IMPG1: variants seen among roughly 807,000 people sequenced by gnomAD.
IMPG1 encodes the protein interphotoreceptor matrix proteoglycan of 150 kDa.
IMPG1 carries 85 observed loss-of-function variants against 92.0 expected under a neutral mutation model. The observed-to-expected ratio is 0.92, with a 90% CI of 0.78 to 1.11. IMPG1 has a LOEUF of 1.11. IMPG1 is among the 50% of genes least tolerant of loss of function. The pLI is 0.00. For missense variants in IMPG1, 1,022 were observed against 956.0 expected, an observed-to-expected ratio of 1.07 and a Z score of -0.91; for synonymous variants, 367 against 334.1, an observed-to-expected ratio of 1.10 and a Z score of -1.08.
At chr6:75,973,118 C>T (rs1029190858) in intron 12 of IMPG1, among the ~76,000 whole-genome samples, 5 of 152,086 alleles carry the variant, frequency 3.3e-5, no homozygotes, top group South Asian at 2.1e-4. Context: ...GCTGGAATTA[C>T]GGGGACATAC....
chr6:76,072,516 A>T lies in IMPG1; in HGVS notation c.-28T>A. Reference sequence around the variant, plus strand: ...TGGCTTTTGTGCATTGGTAATTCTGATAACAATCACAGAACAACCTCAAAT... The same window carrying T: ...TGGCTTTTGTGCATTGGTAATTCTGTTAACAATCACAGAACAACCTCAAAT... On this transcript the variant is annotated 5_prime_UTR_variant, in exon 1 of 17. Transcript: ENST00000369950. The T allele has an allele frequency of 7.2e-7, 1 of 1,389,922 alleles. No homozygotes were observed. Among genetic ancestry groups the T allele is most frequent in the Non-Finnish European group, 1.0e-6 (1 of 991,404 alleles). 86.1% of individuals were successfully genotyped at this position (1,389,922 alleles called of 1,614,324 possible).
intron 12 of IMPG1, among the ~76,000 whole-genome samples, chr6:75,959,721 G>A (rs1405093837): frequency 6.6e-6 from 1 of 152,176 alleles, no homozygotes; most frequent in Non-Finnish European, 1.5e-5. Context: ...CCCTCACCAA[G>A]CTCAAGCATC....
chr6:76,066,179 A>C (rs1270627172), intron 1 of IMPG1, among the ~76,000 whole-genome samples: 1 of 152,146 alleles, frequency 6.6e-6, no homozygotes, highest in African/African-American at 2.4e-5. Context: ...CAAAGCAATT[A>C]GGTAACAGTT....
At position 76,022,441 on chromosome 6, in the gene IMPG1, G is replaced by T. The variant is rs569728440; in HGVS notation, c.563-222C>A. On this transcript the variant is annotated intron_variant, in intron 5 of 16. Coordinates refer to ENST00000369950, the MANE Select transcript of IMPG1 (RefSeq NM_001563.4). ...TCTTTCTCTTAAGGACCCAAATTTG[G>T]TGCTTCCCTGTATGTGTTATACTTA... Among the ~76,000 whole-genome samples the T allele has an allele frequency of 1.1e-4, 17 of 152,026 alleles. 1 individual carries two copies. In the South Asian group the frequency reaches 3.5e-3, roughly 32 times the overall value.
At chr6:76,003,448 AC>A (rs1276835346) in intron 11 of IMPG1, among the ~76,000 whole-genome samples, 1 of 152,154 alleles carries the variant, frequency 6.6e-6, no homozygotes, top group Non-Finnish European at 1.5e-5. Context: ...TATTTATCAA[AC>A]CCCCATAAAT....
chr6:75,988,422 C>G (rs1439178051), intron 12 of IMPG1, among the ~76,000 whole-genome samples: 3 of 152,112 alleles, frequency 2.0e-5, no homozygotes, highest in Admixed American at 6.5e-5. Flanking sequence ...AATGTCTTCT[C>G]CTGAGAAGTG....
chr6:75,956,606 C>G (rs1219751748), intron 12 of IMPG1, among the ~76,000 whole-genome samples: 1 of 151,998 alleles, frequency 6.6e-6, no homozygotes, highest in Non-Finnish European at 1.5e-5. Context: ...CTTCTGCTCT[C>G]ATTTTAGTTA....
intron 11 of IMPG1, 61 bp downstream of exon 11, chr6:76,003,813 C>T (rs1783042200): frequency 1.6e-6 from 2 of 1,224,254 alleles, no homozygotes; most frequent in African/African-American, 3.0e-5. Context: ...CTGATTTGTT[C>T]TTTGGTGGAA....
At chr6:75,996,981 CA>C (rs1436051375) in intron 12 of IMPG1, among the ~76,000 whole-genome samples, 37 of 152,140 alleles carry the variant, frequency 2.4e-4, no homozygotes, top group Non-Finnish European at 1.0e-4. Context: ...TGGGAATTGC[CA>C]AAATTTGAGG....
chr6:76,039,897 C>T (rs1164365903), intron 2 of IMPG1, among the ~76,000 whole-genome samples: 1 of 152,162 alleles, frequency 6.6e-6, no homozygotes, highest in Admixed American at 6.5e-5. Context: ...TGCTTTTAAG[C>T]CCTGGGAAAT....
intron 15 of IMPG1, among the ~76,000 whole-genome samples, chr6:75,929,881 C>A (rs1324207584): frequency 6.6e-6 from 1 of 152,060 alleles, no homozygotes; most frequent in Non-Finnish European, 1.5e-5. Flanking sequence ...TTGTCACACA[C>A]AGGACCATTT....
intron 12 of IMPG1, among the ~76,000 whole-genome samples, chr6:76,001,741 C>T (rs999804819): frequency 1.3e-5 from 2 of 152,178 alleles, no homozygotes; most frequent in African/African-American, 4.8e-5. Context: ...GAAAAGCTGT[C>T]CCTGCTGATC....
rs543297205 is a variant in IMPG1, at chr6:76,007,594, GA to G, written c.867-95del. The G allele has an allele frequency of 2.9e-4, 236 of 811,440 alleles. 4 individuals are homozygous for G. The highest frequency in any genetic ancestry group is 1.7e-3 in the South Asian group (91 of 52,738). 50.3% of individuals were successfully genotyped at this position (811,440 alleles called of 1,614,324 possible). A position where few individuals can be genotyped will look rare whatever the true frequency, so the allele number is the denominator to read the frequency against. ...TCAATGAATTATTTTATATACAAAA[GA>G]AAAAAATATTTCTTTCCATTGTCTC... On this transcript the variant is annotated intron_variant, in intron 8 of 16. Coordinates refer to ENST00000369950, the MANE Select transcript of IMPG1 (RefSeq NM_001563.4).
At chr6:76,068,503 G>A (rs1784349043) in intron 1 of IMPG1, among the ~76,000 whole-genome samples, 1 of 141,674 alleles carries the variant, frequency 7.1e-6, no homozygotes, top group Non-Finnish European at 1.5e-5. Context: ...TTTTTAAAAT[G>A]TCCATACTTT....
chr6:75,969,330 G>A (rs1341174878), intron 12 of IMPG1, among the ~76,000 whole-genome samples: 1 of 152,142 alleles, frequency 6.6e-6, no homozygotes, highest in Non-Finnish European at 1.5e-5. Flanking sequence ...AAAATGGCAA[G>A]TATGTGAGAT....
intron 12 of IMPG1, among the ~76,000 whole-genome samples, chr6:75,965,768 C>T (rs1322729752): frequency 6.6e-6 from 1 of 152,142 alleles, no homozygotes; most frequent in African/African-American, 2.4e-5. Context: ...CCATCACGCC[C>T]AGCTAATTTT....
At chr6:75,928,539 T>C (rs966864566) in intron 15 of IMPG1, 4 of 152,214 alleles carry the variant, frequency 2.6e-5, no homozygotes, top group Non-Finnish European at 4.4e-5. Context: ...GTGAATTCTC[T>C]CAACTGATTG....
intron 1 of IMPG1, among the ~76,000 whole-genome samples, chr6:76,044,647 A>C (rs187268369): frequency 7.9e-5 from 12 of 151,336 alleles, no homozygotes; most frequent in African/African-American, 2.7e-4. Context: ...ATTTTTTTCC[A>C]GGTGGATCCT....
Position 76,059,465 on chromosome 6 carries a change from G to A in IMPG1, c.67+12957C>T, listed in dbSNP as rs150079512. Among the ~76,000 whole-genome samples, 659 of 151,918 alleles carry A rather than the reference G, an allele frequency of 4.3e-3. 4 individuals carry two copies. The highest frequency in any genetic ancestry group is 7.5e-3 in the Non-Finnish European group (507 of 67,958). The stretch of plus-strand genomic sequence containing the variant: ...GTTCCTCCATTTCTAGCACAGAGCT[G>A]AAGGATCTGACCAGCTATTCTGAGA... On this transcript the variant is annotated intron_variant, in intron 1 of 16. Transcript: ENST00000369950.
Sources: allele counts gnomAD v4.1 joint callset (sites outside exome capture counted in the v4.1 genomes callset), GRCh38; gene constraint gnomAD v4.1.1; transcripts MANE v1.5; gene names NCBI Gene and HGNC (gene_info 2026-07-23, HGNC 2026-07-21).